Variants in KAT6A observed in about 807,000 individuals in gnomAD.
KAT6A encodes lysine acetyltransferase 6A.
Under a neutral mutation model 198.4 loss-of-function variants are expected in KAT6A, and 9 were observed. The ratio of observed to expected loss-of-function variants is 0.05; its 90% CI spans 0.03 to 0.08. The LOEUF is 0.08. Ranked by LOEUF, KAT6A falls within the 10% of genes least tolerant of loss-of-function variation. KAT6A has a pLI of 1.00. For synonymous variants in KAT6A, 890 were observed against 883.0 expected (o/e 1.01, Z -0.14); for missense variants, 2,077 against 2,509.9 (o/e 0.83, Z 3.69).
chr8:41,932,832 T>C lies in KAT6A; in HGVS notation c.5388A>G (p.Pro1796=), dbSNP rs1297750406. The change falls in exon 17 of 17, where the codon CCA becomes CCG. Residue 1796 remains proline, a synonymous_variant. Transcript: ENST00000265713. The part of the protein sequence containing the change: ...LSNTGLAQLA[P]SHPLAGTPQA... ...GAGGAGTCCCAGCTAAGGGATGAGA[T>C]GGAGCCAGCTGAGCCAGTCCTGTAT... 5 of 1,614,006 alleles carry C rather than the reference T, an allele frequency of 3.1e-6. No homozygotes were observed. Among genetic ancestry groups the C allele is most frequent in the Non-Finnish European group, 3.4e-6 (4 of 1,180,004 alleles).
At chr8:41,974,857 C>T (rs781403332) in intron 7 of KAT6A, 35 bp from the exon 8 acceptor site, 2 of 1,329,098 alleles carry the variant, frequency 1.5e-6, no homozygotes, top group East Asian at 2.3e-5. Context: ...TGTTAACTGT[C>T]CCCAGATTAA....
chr8:41,996,229 T>A (rs901930721), intron 2 of KAT6A, among the ~76,000 whole-genome samples: 9 of 152,168 alleles, frequency 5.9e-5, no homozygotes, highest in African/African-American at 2.2e-4. Flanking sequence ...ACTTGTAAAC[T>A]CAAACTCATA....
chr8:41,953,665 G>C (rs1395051058), intron 9 of KAT6A, among the ~76,000 whole-genome samples: 1 of 152,076 alleles, frequency 6.6e-6, no homozygotes, highest in African/African-American at 2.4e-5. Flanking sequence ...GTAGAGACAG[G>C]GTTTCGCCAT....
chr8:42,040,757 A>AAAAG lies in KAT6A; in HGVS notation c.600+7617_600+7620dup, dbSNP rs1222606154. Among the ~76,000 whole-genome samples, 33 of 149,754 alleles carry AAAAG rather than the reference A, an allele frequency of 2.2e-4. No homozygotes were observed. The South Asian group carries it at 2.6e-3, about 12-fold the overall frequency. ...TCTCAAAAAAAAAAAAAAAAAAAAAAAAAGAAAGAAAGAAAGAAAAGAAAA... is the reference window on the plus strand; with the variant it reads ...TCTCAAAAAAAAAAAAAAAAAAAAAAAAAGAAAGAAAGAAAGAAAGAAAAGAAAA... On this transcript the variant is annotated intron_variant, in intron 2 of 16. Transcript: ENST00000265713.
intron 16 of KAT6A, among the ~76,000 whole-genome samples, chr8:41,936,163 G>C (rs1168230417): frequency 1.3e-5 from 2 of 152,208 alleles, no homozygotes; most frequent in African/African-American, 2.4e-5. Flanking sequence ...TTGGGATGCT[G>C]AGGCACGAGA....
chr8:41,938,789 T>C (rs1189601469), intron 15 of KAT6A, among the ~76,000 whole-genome samples: 1 of 151,482 alleles, frequency 6.6e-6, no homozygotes, highest in Non-Finnish European at 1.5e-5. Flanking sequence ...CTATCAAAAG[T>C]ACAAAAAATT....
Position 41,937,236 on chromosome 8 carries a change from G to A in KAT6A, c.3352+20C>T, listed in dbSNP as rs374072283. ...ATCTGAAGACAATAAACCACAGTAAGTGAGTTCTGTAAAACATACCATCAG... is the reference window on the plus strand; with the variant it reads ...ATCTGAAGACAATAAACCACAGTAAATGAGTTCTGTAAAACATACCATCAG... On this transcript the variant is annotated intron_variant, in intron 16 of 16. Transcript: ENST00000265713. The A allele has an allele frequency of 5.1e-4, 812 of 1,592,100 alleles. 7 individuals are homozygous for A. In the South Asian group the frequency reaches 6.0e-3, roughly 12 times the overall value.
At chr8:42,041,789 A>C (rs1007961566) in intron 2 of KAT6A, among the ~76,000 whole-genome samples, 2 of 151,920 alleles carry the variant, frequency 1.3e-5, no homozygotes, top group African/African-American at 4.8e-5. Flanking sequence ...TAAATTATTA[A>C]ATATAACAAT....
chr8:42,031,042 G>GC (rs1448187006), intron 2 of KAT6A, among the ~76,000 whole-genome samples: 1 of 135,570 alleles, frequency 7.4e-6, no homozygotes, highest in African/African-American at 2.6e-5. Context: ...AAAAAAAGGG[G>GC]GGGGGGACAG....
Position 41,933,025 on chromosome 8 carries a change from T to G in KAT6A, c.5195A>C (p.Tyr1732Ser). 6.2e-7 allele frequency: 1 copy of G among 1,613,734 alleles called. No homozygotes were observed. Among genetic ancestry groups the G allele is most frequent in the Non-Finnish European group, 8.5e-7 (1 of 1,180,006 alleles). ...ACCAAAATCCCCTGGAATCCTCTCA[T>G]AGATACTTATGTTCCCAGTGCTTCC... ...ESGSTGNISI[Y>S]ERIPGDFGAG... The change falls in exon 17 of 17, where the codon TAT becomes TCT. Residue 1732 changes from tyrosine to serine, a missense_variant. Physicochemically the swap from Tyr to Ser is moderately radical, Grantham distance 144 (BLOSUM62 -2). Around this residue, in one of 13 missense-constraint regions of KAT6A, gnomAD observed 500 missense variants for 577.2 expected, o/e 0.87. Coordinates refer to ENST00000265713, the MANE Select transcript of KAT6A (RefSeq NM_006766.5). The surrounding 1 kb of genome is among the most constrained non-coding windows in gnomAD (Gnocchi z 6.2).
chr8:41,944,495 G>C (rs1022803232), intron 12 of KAT6A, among the ~76,000 whole-genome samples: 1 of 152,206 alleles, frequency 6.6e-6, no homozygotes, highest in Admixed American at 6.5e-5. Flanking sequence ...CAATATAAGT[G>C]TGGAACTGTG....
Position 42,035,554 on chromosome 8 carries a change from G to C in KAT6A, c.600+12824C>G, listed in dbSNP as rs184362584. ...ATCCAACATCTAGATACAGGCAAAAGATAAAACGCCAATAAACTGAAAAGG... is the reference window on the plus strand; with the variant it reads ...ATCCAACATCTAGATACAGGCAAAACATAAAACGCCAATAAACTGAAAAGG... On this transcript the variant is annotated intron_variant, in intron 2 of 16. Transcript: ENST00000265713. Among the ~76,000 whole-genome samples the C allele has an allele frequency of 7.9e-5, 12 of 152,238 alleles. No homozygotes were observed. In the East Asian group the frequency reaches 1.5e-3, roughly 20 times the overall value.
At chr8:42,019,971 G>A (rs1826451727) in intron 2 of KAT6A, among the ~76,000 whole-genome samples, 1 of 151,992 alleles carries the variant, frequency 6.6e-6, no homozygotes, top group Admixed American at 6.6e-5. Context: ...GGTATCCTTA[G>A]GTATATAAAC....
intron 2 of KAT6A, among the ~76,000 whole-genome samples, chr8:41,991,167 A>G (rs1436673289): frequency 6.6e-6 from 1 of 152,246 alleles, no homozygotes; most frequent in East Asian, 1.9e-4. Flanking sequence ...CAATTGAAGT[A>G]CATATTAATA....
intron 2 of KAT6A, among the ~76,000 whole-genome samples, chr8:42,004,557 C>A (rs1202901946): frequency 6.6e-6 from 1 of 152,182 alleles, no homozygotes; most frequent in Non-Finnish European, 1.5e-5. Context: ...ACATTACCTT[C>A]TTTAATTCAA....
At position 41,934,441 on chromosome 8, in the gene KAT6A, C is replaced by T. The variant is rs771006308; in HGVS notation, c.3779G>A (p.Ser1260Asn). The T allele has an allele frequency of 6.2e-7, 1 of 1,608,268 alleles. No homozygotes were observed. The highest frequency in any genetic ancestry group is 1.1e-5 in the South Asian group (1 of 90,698). The change falls in exon 17 of 17, where the codon AGT becomes AAT. Residue 1260 changes from serine (S) to asparagine (N), a missense_variant. Physicochemically the swap from Ser to Asn is conservative, Grantham distance 46. Transcript: ENST00000265713. The part of the protein sequence containing the change: ...PAASPADSSN[S>N]PETETKEPEV... ...AGGCTCCTTGGTTTCGGTCTCAGGA[C>T]TATTGCTGCTGTCTGCTGGAGAGGC...
rs1824488960 is a variant in KAT6A at position 41,984,087 on chromosome 8, T to C, written c.710-2133A>G. On this transcript the variant is annotated intron_variant, in intron 3 of 16. Coordinates refer to ENST00000265713, the MANE Select transcript of KAT6A (RefSeq NM_006766.5). ...ATGTTACTTTTTAATTTAGAAAATA[T>C]CAACGTTCATGTATCCAGCTATGCC... is the stretch of plus-strand genomic sequence containing the variant. Among the ~76,000 whole-genome samples the C allele has an allele frequency of 2.0e-5, 3 of 152,244 alleles. No homozygotes were observed. In the South Asian group the frequency reaches 6.2e-4, roughly 31 times the overall value.
rs569669218 is a variant in KAT6A at position 41,977,090 on chromosome 8, C to A, written c.1281G>T (p.Arg427=). The A allele has an allele frequency of 1.2e-6, 2 of 1,614,188 alleles. No homozygotes were observed. The highest frequency in any genetic ancestry group is 2.7e-5 in the African/African-American group (2 of 75,060). The change falls in exon 7 of 17, where the codon CGG becomes CGT. Residue 427 remains arginine (R), a synonymous_variant. Coordinates refer to ENST00000265713, the MANE Select transcript of KAT6A (RefSeq NM_006766.5). Reference sequence around the variant, plus strand: ...GCTCAGAGTAGTCCACCACTTCCCCCCGAGCTTTCCGCCCATCAGGGGAAG... The same window carrying A: ...GCTCAGAGTAGTCCACCACTTCCCCACGAGCTTTCCGCCCATCAGGGGAAG... The part of the protein sequence containing the change: ...FTPSPDGRKA[R]GEVVDYSEQY...
rs202213593 is a variant in KAT6A at position 41,932,343 on chromosome 8, C to T, written c.5877G>A (p.Gly1959=). ...YPMQMQMGMM[G]SQAYTQQPMQ... is the part of the protein sequence containing the mutation. ...TAGGCTGCTGGGTATAGGCCTGGCT[C>T]CCCATCATTCCCATCTGCATCTGCA... Residue 1959 remains glycine (G), a synonymous_variant, in exon 17 of 17, where the codon GGG becomes GGA. Coordinates refer to ENST00000265713, the MANE Select transcript of KAT6A (RefSeq NM_006766.5). 35 of 1,614,186 alleles carry T rather than the reference C, an allele frequency of 2.2e-5. No homozygotes were observed. The East Asian group carries it at 7.1e-4, about 33-fold the overall frequency.
Sources: gnomAD v4.1 joint callset for allele counts (sites outside exome capture counted in the v4.1 genomes callset) on GRCh38, gnomAD v4.1.1 for gene constraint, gnomAD v4.1.1 regional missense constraint, Gnocchi (gnomAD v3.1) non-coding constraint, MANE v1.5 for transcripts, NCBI Gene and HGNC (gene_info 2026-07-23, HGNC 2026-07-21) for gene names.